THADA: variants seen among roughly 807,000 people sequenced by gnomAD.
The protein encoded by THADA is tRNA (32-2'-O)-methyltransferase regulator THADA.
Under a neutral mutation model 219.8 loss-of-function variants are expected in THADA, and 213 were observed. The observed-to-expected ratio is 0.97, with a 90% CI of 0.87 to 1.09. The LOEUF (loss-of-function observed/expected upper bound fraction) is 1.09. THADA is among the 50% of genes least tolerant of loss of function. The pLI is 0.00. For missense variants in THADA, 2,956 were observed against 2,311.3 expected, an observed-to-expected ratio of 1.28 and a Z score of -5.72; for synonymous variants, 1,018 against 828.9, an observed-to-expected ratio of 1.23 and a Z score of -3.92.
At chr2:43,308,335 G>A (rs543936531) in intron 31 of THADA, among the ~76,000 whole-genome samples, 11 of 152,056 alleles carry the variant, frequency 7.2e-5, no homozygotes, top group Non-Finnish European at 1.5e-4. Flanking sequence ...AACTTCAAGT[G>A]ACTTAATTTA....
chr2:43,366,649 G>A (rs1426208924), intron 29 of THADA, among the ~76,000 whole-genome samples: 3 of 152,188 alleles, frequency 2.0e-5, no homozygotes, highest in Non-Finnish European at 4.4e-5. Context: ...AATCAGCAAG[G>A]TTCCCAATGA....
chr2:43,387,210 C>T (rs1315108887), intron 29 of THADA, among the ~76,000 whole-genome samples: 3 of 152,038 alleles, frequency 2.0e-5, no homozygotes, highest in Non-Finnish European at 2.9e-5. Flanking sequence ...TGTCATTTTC[C>T]GAAGCTTCCT....
chr2:43,302,409 G>A (rs781289764), intron 31 of THADA, among the ~76,000 whole-genome samples: 44 of 151,354 alleles, frequency 2.9e-4, no homozygotes, highest in Non-Finnish European at 5.7e-4. Flanking sequence ...TCAAGTATGT[G>A]TGACTGATTC....
At chr2:43,249,327 T>C (rs561441513) in intron 36 of THADA, among the ~76,000 whole-genome samples, 23 of 152,276 alleles carry the variant, frequency 1.5e-4, no homozygotes, top group East Asian at 7.7e-4. Context: ...GGCTCAAGCA[T>C]TGCTCCCACC....
At chr2:43,581,990 A>G in intron 7 of THADA, 62 bp from the exon 8 acceptor site, 1 of 1,251,824 alleles carries the variant, frequency 8.0e-7, no homozygotes, top group Non-Finnish European at 1.1e-6. Context: ...AACATTTCTA[A>G]TTATCAGCAA....
intron 25 of THADA, among the ~76,000 whole-genome samples, chr2:43,490,033 A>G (rs1468954843): frequency 6.6e-6 from 1 of 152,186 alleles, no homozygotes; most frequent in Non-Finnish European, 1.5e-5. Flanking sequence ...AATTTCTTCA[A>G]AAAATGTTTG....
chr2:43,543,148 G>C (rs62138771), intron 20 of THADA, among the ~76,000 whole-genome samples: 2,678 of 150,138 alleles, frequency 0.018, 52 homozygotes, highest in Non-Finnish European at 0.023. Context: ...TCTTGCGATA[G>C]TTTACTGAGA....
chr2:43,375,525 A>G (rs1459012837), intron 29 of THADA, among the ~76,000 whole-genome samples: 3 of 152,174 alleles, frequency 2.0e-5, no homozygotes, highest in Non-Finnish European at 2.9e-5. Flanking sequence ...TAGCTTTTCA[A>G]TTACTGGATG....
intron 24 of THADA, among the ~76,000 whole-genome samples, chr2:43,503,235 C>A (rs1216382513): frequency 6.6e-6 from 1 of 152,124 alleles, no homozygotes; most frequent in Non-Finnish European, 1.5e-5. Context: ...GAAACACTCA[C>A]GTGTGTAAGG....
At chr2:43,453,963 T>C (rs987807406) in intron 26 of THADA, among the ~76,000 whole-genome samples, 2 of 152,164 alleles carry the variant, frequency 1.3e-5, no homozygotes, top group Non-Finnish European at 2.9e-5. Context: ...AAAGCAGTCA[T>C]GGCTCACCGG....
At chr2:43,520,713 T>TATATACACACAC (rs1218079783) in intron 22 of THADA, among the ~76,000 whole-genome samples, 60 of 125,122 alleles carry the variant, frequency 4.8e-4, no homozygotes, top group African/African-American at 1.7e-3. Context: ...TATATATATA[T>TATATACACACAC]ACACACACAC....
chr2:43,251,391 T>G (rs1453011348), intron 36 of THADA, among the ~76,000 whole-genome samples: 1 of 152,210 alleles, frequency 6.6e-6, no homozygotes, highest in Non-Finnish European at 1.5e-5. Context: ...CAAATACAAT[T>G]ACATTACAGA....
intron 28 of THADA, among the ~76,000 whole-genome samples, chr2:43,421,387 A>T (rs1374490318): frequency 6.6e-6 from 1 of 152,192 alleles, no homozygotes; most frequent in African/African-American, 2.4e-5. Context: ...ACCTCATGGA[A>T]TTTAGTAGTA....
chr2:43,582,053 T>C (rs776096050), intron 7 of THADA, 125 bp from the exon 8 acceptor site: 3 of 671,906 alleles, frequency 4.5e-6, no homozygotes, highest in African/African-American at 1.8e-5. Context: ...TGATAATTTA[T>C]TCCTCTCTCT....
intron 31 of THADA, among the ~76,000 whole-genome samples, chr2:43,317,977 A>G (rs2104455601): frequency 6.6e-6 from 1 of 152,298 alleles, no homozygotes; most frequent in Non-Finnish European, 1.5e-5. Context: ...AGTTAAACAC[A>G]TATATTTCAA....
At chr2:43,406,319 A>G (rs1410606263) in intron 28 of THADA, among the ~76,000 whole-genome samples, 1 of 152,262 alleles carries the variant, frequency 6.6e-6, no homozygotes, top group Non-Finnish European at 1.5e-5. Context: ...TTAATTGTTC[A>G]GAATTAGAAA....
chr2:43,336,944 T>C (rs924231129), intron 30 of THADA, among the ~76,000 whole-genome samples: 6 of 152,210 alleles, frequency 3.9e-5, no homozygotes, highest in East Asian at 1.9e-4. Context: ...CTCTGGCCCA[T>C]TGTGGCCACG....
At position 43,498,929 on chromosome 2, in the gene THADA, T is replaced by C; in HGVS notation, c.3648A>G (p.Ala1216=). The C allele has an allele frequency of 6.3e-7, 1 of 1,581,430 alleles. No homozygotes were observed. Among genetic ancestry groups the C allele is most frequent in the Non-Finnish European group, 8.6e-7 (1 of 1,162,950 alleles). ...PQVHALNILR[A]LFRDTRLGEN... ...CTCCCAGGCGCGTATCTCTGAACAA[T>C]GCTCTAAGGATATTTAAAGCATGAA... is the stretch of plus-strand genomic sequence containing the variant. Residue 1216 remains alanine (A), a synonymous_variant, in exon 25 of 38, where the codon GCA becomes GCG. Transcript: ENST00000405975.
intron 4 of THADA, among the ~76,000 whole-genome samples, chr2:43,588,763 A>G (rs185629342): frequency 1.5e-3 from 232 of 152,274 alleles, no homozygotes; most frequent in South Asian, 6.6e-3. Flanking sequence ...CAATTTAACA[A>G]TATCTACCAA....
Sources: allele counts gnomAD v4.1 joint callset (sites outside exome capture counted in the v4.1 genomes callset), GRCh38; gene constraint gnomAD v4.1.1; transcripts MANE v1.5; gene names NCBI Gene and HGNC (gene_info 2026-07-23, HGNC 2026-07-21).